Variants in CTDSPL2 observed in about 807,000 individuals in gnomAD.
CTDSPL2 encodes the protein CTD small phosphatase like 2, also known as CTD small phosphatase-like protein 2.
In CTDSPL2, 5 loss-of-function variants were observed where a neutral mutation model predicts 60.0. That is an observed-to-expected ratio of 0.08 (90% CI 0.04 to 0.18). CTDSPL2 has a LOEUF of 0.18. Ranked by LOEUF, CTDSPL2 falls within the 10% of genes least tolerant of loss-of-function variation. The probability of loss-of-function intolerance (pLI) is 1.00; values close to 1 mark genes in which losing one functional copy is unlikely to be tolerated. For synonymous variants in CTDSPL2, 186 were observed against 189.3 expected (o/e 0.98, Z 0.14); for missense variants, 370 against 548.8 (o/e 0.67, Z 3.26).
At chr15:44,511,505 C>T (rs988099202) in intron 8 of CTDSPL2, among the ~76,000 whole-genome samples, 1 of 152,032 alleles carries the variant, frequency 6.6e-6, no homozygotes, top group African/African-American at 2.4e-5. Context: ...TCAAAGAGGC[C>T]CTGCTTATCT....
intron 1 of CTDSPL2, among the ~76,000 whole-genome samples, chr15:44,440,455 A>C (rs139081824): frequency 0.086 from 13,001 of 151,930 alleles, 1,074 homozygotes; most frequent in East Asian, 0.24. Flanking sequence ...CTTGGCCTCC[A>C]AAAGTGCTGG....
At chr15:44,505,367 G>A (rs1306102774) in intron 8 of CTDSPL2, among the ~76,000 whole-genome samples, 1 of 151,966 alleles carries the variant, frequency 6.6e-6, no homozygotes, top group Non-Finnish European at 1.5e-5. Context: ...AGGCCCTAGT[G>A]AGCTGTGATC....
intron 1 of CTDSPL2, among the ~76,000 whole-genome samples, chr15:44,443,374 T>G (rs1258208860): frequency 6.6e-6 from 1 of 152,220 alleles, no homozygotes; most frequent in African/African-American, 2.4e-5. Flanking sequence ...AATATGGATG[T>G]ACTGTGTGAG....
At position 44,486,702 on chromosome 15, in the gene CTDSPL2, T is replaced by A; in HGVS notation, c.475+2T>A. 1 of 1,579,164 alleles carries A rather than the reference T, an allele frequency of 6.3e-7. No homozygotes were observed. On this transcript the variant is annotated splice_donor_variant, in intron 4 of 12. Transcript: ENST00000260327. LOFTEE classifies it high-confidence loss of function. ...TTTTTTCACCAGCAAATAAAAATGG[T>A]AAGTATAAACTGTTAACTGTGATTT...
At chr15:44,440,672 T>C (rs1255478768) in intron 1 of CTDSPL2, among the ~76,000 whole-genome samples, 1 of 152,148 alleles carries the variant, frequency 6.6e-6, no homozygotes. Flanking sequence ...TTTTTTTTAA[T>C]TCATCTTGAT....
chr15:44,514,321 A>G (rs749772489), intron 8 of CTDSPL2, among the ~76,000 whole-genome samples: 20 of 152,170 alleles, frequency 1.3e-4, no homozygotes, highest in Non-Finnish European at 2.6e-4. Context: ...TTTAGCTTAA[A>G]TGTTTATTAA....
intron 2 of CTDSPL2, among the ~76,000 whole-genome samples, chr15:44,483,630 A>G (rs1295341937): frequency 6.6e-6 from 1 of 152,240 alleles, no homozygotes; most frequent in Non-Finnish European, 1.5e-5. Flanking sequence ...ATTTTAGTCC[A>G]TTAGTACTGC....
At chr15:44,450,581 T>A (rs1157474499) in intron 1 of CTDSPL2, among the ~76,000 whole-genome samples, 1 of 149,138 alleles carries the variant, frequency 6.7e-6, no homozygotes, top group Non-Finnish European at 1.5e-5. Context: ...TTAAAAGTTA[T>A]ATTCTTAATT....
intron 2 of CTDSPL2, among the ~76,000 whole-genome samples, chr15:44,470,952 C>T (rs2080796952): frequency 6.6e-6 from 1 of 151,984 alleles, no homozygotes; most frequent in African/African-American, 2.4e-5. Context: ...AAACCTTAAA[C>T]ACAATAAAAT....
At position 44,522,979 on chromosome 15, in the gene CTDSPL2, A is replaced by G. The variant is rs2081808456; in HGVS notation, c.1336-1130A>G. On this transcript the variant is annotated intron_variant, in intron 12 of 12. Transcript: ENST00000260327. The stretch of plus-strand genomic sequence containing the variant: ...ACTTTGGCAGGATGTAGTGGTGCAC[A>G]CCTATTTAATCCCACTGTTTTTTGT... Among the ~76,000 whole-genome samples the G allele has an allele frequency of 3.3e-5, 5 of 151,988 alleles. No homozygotes were observed. The South Asian group carries it at 1.0e-3, about 32-fold the overall frequency.
intron 4 of CTDSPL2, among the ~76,000 whole-genome samples, chr15:44,486,997 C>A (rs1567088075): frequency 6.6e-6 from 1 of 152,082 alleles, no homozygotes; most frequent in Non-Finnish European, 1.5e-5. Context: ...AAACTCTTGA[C>A]CTTCAAGTGA....
chr15:44,499,888 G>T (rs2081359601), intron 8 of CTDSPL2, 75 bp downstream of exon 8: 2 of 770,024 alleles, frequency 2.6e-6, no homozygotes, highest in Non-Finnish European at 4.5e-6. Context: ...TATTTTTTTT[G>T]TGTGTATGTG....
intron 8 of CTDSPL2, among the ~76,000 whole-genome samples, chr15:44,510,742 T>C: frequency 6.6e-6 from 1 of 152,176 alleles, no homozygotes; most frequent in Non-Finnish European, 1.5e-5. Context: ...TAATGCTATT[T>C]GTAGAATAGA....
rs866787376 is a variant in CTDSPL2, at chr15:44,484,295, A to G, written c.258A>G (p.Thr86=). 3.1e-6 allele frequency: 5 copies of G among 1,613,554 alleles called. No individual in the cohort carries two copies. In the Middle Eastern group the frequency reaches 6.6e-4, roughly 213 times the overall value. Residue 86 remains threonine (T), a synonymous_variant, in exon 3 of 13, where the codon ACA becomes ACG. Transcript: ENST00000260327. The part of the protein sequence containing the change: ...RDIDNNLITS[T]PRAGEKPNKQ... ...TAGATAACAATTTGATCACGTCAAC[A>G]CCAAGAGCAGGAGAAAAACCTAACA... is the stretch of plus-strand genomic sequence containing the variant.
intron 2 of CTDSPL2, among the ~76,000 whole-genome samples, chr15:44,475,930 T>C (rs1050628218): frequency 2.6e-5 from 4 of 152,216 alleles, no homozygotes; most frequent in Non-Finnish European, 5.9e-5. Flanking sequence ...GTCTCTGGAA[T>C]AGATTTACTG....
At position 44,486,629 on chromosome 15, in the gene CTDSPL2, C is replaced by T; in HGVS notation, c.404C>T (p.Pro135Leu). ...GAAGATAATCCTTCCTCTGGCAGTC[C>T]TCCAAGGACTACTTTGTTGGGGACC... is the stretch of plus-strand genomic sequence containing the variant. The part of the protein sequence containing the change: ...KLEDNPSSGS[P>L]PRTTLLGTIF... The change falls in exon 4 of 13, where the codon CCT becomes CTT. Residue 135 changes from proline to leucine, a missense_variant. By Grantham distance (98) the Pro-to-Leu change is moderately conservative. Coordinates refer to ENST00000260327, the MANE Select transcript of CTDSPL2 (RefSeq NM_016396.3). 3.1e-6 allele frequency: 5 copies of T among 1,594,136 alleles called. No individual in the cohort carries two copies. Among genetic ancestry groups the T allele is most frequent in the Non-Finnish European group, 4.3e-6 (5 of 1,172,034 alleles).
chr15:44,475,202 G>T (rs972345738), intron 2 of CTDSPL2, among the ~76,000 whole-genome samples: 1 of 151,724 alleles, frequency 6.6e-6, no homozygotes, highest in East Asian at 1.9e-4. Flanking sequence ...TTCATTCAGT[G>T]ATTTAACTTA....
intron 1 of CTDSPL2, chr15:44,449,355 C>CT (rs1245463175): frequency 2.5e-5 from 4 of 158,016 alleles, no homozygotes; most frequent in Non-Finnish European, 4.2e-5. Context: ...CCTTCAGTGC[C>CT]TGTTGCCCAG....
At chr15:44,516,913 C>T (rs909813807) in intron 10 of CTDSPL2, 39 of 152,084 alleles carry the variant, frequency 2.6e-4, no homozygotes, top group African/African-American at 9.4e-4. Flanking sequence ...GATCTTGGCT[C>T]ACTGTAAACT....
Sources: allele counts gnomAD v4.1 joint callset (sites outside exome capture counted in the v4.1 genomes callset), GRCh38; gene constraint gnomAD v4.1.1; transcripts MANE v1.5; gene names NCBI Gene and HGNC (gene_info 2026-07-23, HGNC 2026-07-21).